Variants in JMJD1C observed in about 807,000 individuals in gnomAD.
The protein encoded by JMJD1C is jumonji domain containing 1C, also known as jumonji domain-containing protein 1C.
Under a neutral mutation model 245.3 loss-of-function variants are expected in JMJD1C, and 31 were observed. The observed-to-expected ratio is 0.13, with a 90% confidence interval of 0.09 to 0.17. The LOEUF (loss-of-function observed/expected upper bound fraction) is 0.17, where lower values mean the gene tolerates loss of function less well. Ranked by LOEUF, JMJD1C falls within the 10% of genes least tolerant of loss-of-function variation. JMJD1C has a pLI of 1.00. For missense variants in JMJD1C, 2,691 were observed against 3,000.2 expected (o/e 0.90, Z 2.41); for synonymous variants, 1,057 against 1,017.4 (o/e 1.04, Z -0.74).
chr10:63,269,025 C>A (rs1855970594), intron 2 of JMJD1C: 1 of 985,292 alleles, frequency 1.0e-6, no homozygotes, highest in Non-Finnish European at 1.2e-6. Flanking sequence ...ACTAAGAAAT[C>A]CTGCAGCTGA....
intron 2 of JMJD1C, among the ~76,000 whole-genome samples, chr10:63,325,634 G>C (rs1941416441): frequency 6.6e-6 from 1 of 151,174 alleles, no homozygotes; most frequent in African/African-American, 2.4e-5. Context: ...AAATACAACT[G>C]ATTAGATATC....
intron 1 of JMJD1C, among the ~76,000 whole-genome samples, chr10:63,464,074 C>T (rs753411077): frequency 3.9e-4 from 60 of 152,038 alleles, no homozygotes; most frequent in Non-Finnish European, 6.5e-4. Context: ...AATCCTCTTA[C>T]CTCAGCCTTT....
chr10:63,329,593 C>T (rs1215344921), intron 2 of JMJD1C, among the ~76,000 whole-genome samples: 3 of 149,052 alleles, frequency 2.0e-5, no homozygotes, highest in Admixed American at 1.3e-4. Context: ...TTGACAAATA[C>T]ATAAAAACAA....
intron 2 of JMJD1C, among the ~76,000 whole-genome samples, chr10:63,371,174 G>T (rs1324622701): frequency 6.6e-6 from 1 of 151,272 alleles, no homozygotes; most frequent in African/African-American, 2.4e-5. Context: ...AGGGATGAGG[G>T]TATAGCTATG....
chr10:63,291,182 C>T (rs1369453002), intron 2 of JMJD1C, among the ~76,000 whole-genome samples: 1 of 151,678 alleles, frequency 6.6e-6, no homozygotes, highest in East Asian at 1.9e-4. Context: ...GTGGCACATG[C>T]CTATAATCCC....
At chr10:63,349,831 T>C (rs1330987376) in intron 2 of JMJD1C, among the ~76,000 whole-genome samples, 2 of 152,208 alleles carry the variant, frequency 1.3e-5, no homozygotes, top group African/African-American at 2.4e-5. Flanking sequence ...GTGATGAATT[T>C]TGTAATACTG....
chr10:63,183,954 A>C (rs2132890155), intron 21 of JMJD1C, among the ~76,000 whole-genome samples: 1 of 152,350 alleles, frequency 6.6e-6, no homozygotes, highest in Admixed American at 6.5e-5. Context: ...TTTGAGAAGG[A>C]GTCTCGCTCT....
At chr10:63,439,106 A>C (rs1951217027) in intron 1 of JMJD1C, among the ~76,000 whole-genome samples, 1 of 152,164 alleles carries the variant, frequency 6.6e-6, no homozygotes, top group Non-Finnish European at 1.5e-5. Flanking sequence ...ACTGCTATCC[A>C]ACACCTGTCA....
intron 1 of JMJD1C, 121 bp downstream of exon 1, chr10:63,465,372 GCA>G: frequency 9.5e-7 from 1 of 1,052,592 alleles, no homozygotes; most frequent in Non-Finnish European, 1.3e-6. Context: ...CAAGGGTTCA[GCA>G]GAGGGGCGTG....
intron 2 of JMJD1C, among the ~76,000 whole-genome samples, chr10:63,377,367 TG>T (rs1304443541): frequency 6.6e-6 from 1 of 152,180 alleles, no homozygotes; most frequent in Admixed American, 6.5e-5. Context: ...CAATGACCCG[TG>T]TACTCAAAAA....
rs578199068 is a variant in JMJD1C at position 63,301,642 on chromosome 10, C to T, written c.334-36878G>A. On this transcript the variant is annotated intron_variant, in intron 2 of 25. Transcript: ENST00000399262. ...CAAGGACACAGGGAAGGAAACATCA[C>T]AGACCAGGGCCTGTCCGGGGCCTGA... 2.8e-3 allele frequency: 938 copies of T among 338,134 alleles called. 4 individuals are homozygous for T. Among genetic ancestry groups the T allele is most frequent in the Non-Finnish European group, 2.9e-3 (493 of 169,468 alleles). The allele number at this position is 338,134 out of a possible 1,614,324, so 20.9% of individuals were successfully genotyped here.
At position 63,213,636 on chromosome 10, in the gene JMJD1C, A is replaced by T. The variant is rs760376249; in HGVS notation, c.2531T>A (p.Leu844His). ...QQLLQHQSPH[L>H]LGQAHPSASY... The stretch of plus-strand genomic sequence containing the variant: ...AGCAGAAGGATGGGCTTGTCCAAGA[A>T]GATGAGGTGACTGGTGCTGTAACAA... Residue 844 changes from leucine to histidine, a missense_variant, in exon 8 of 26, where the codon CTT (leucine) becomes CAT (histidine). Transcript: ENST00000399262. The T allele has an allele frequency of 2.7e-5, 44 of 1,614,118 alleles. No homozygotes were observed. Among genetic ancestry groups the T allele is most frequent in the Admixed American group, 1.3e-4 (8 of 60,010 alleles).
intron 2 of JMJD1C, among the ~76,000 whole-genome samples, chr10:63,286,932 A>G (rs141474225): frequency 1.5e-3 from 226 of 152,300 alleles, no homozygotes; most frequent in African/African-American, 5.3e-3. Context: ...TTCTATGCAT[A>G]CTAAGAGGAA....
At chr10:63,295,262 T>A (rs1365540987) in intron 2 of JMJD1C, among the ~76,000 whole-genome samples, 1 of 4,786 alleles carries the variant, frequency 2.1e-4, no homozygotes, top group East Asian at 1.6e-3. Flanking sequence ...GCCCAACTAA[T>A]TTTTTTTTTT....
At chr10:63,469,215 AAC>A (rs1564955300), upstream of JMJD1C, among the ~76,000 whole-genome samples, 1 of 152,226 alleles carries the variant, frequency 6.6e-6, no homozygotes, top group East Asian at 1.9e-4. Flanking sequence ...GATATTATCT[AAC>A]ACAGACAAAA....
intron 3 of JMJD1C, among the ~76,000 whole-genome samples, chr10:63,259,760 C>G (rs1270594618): frequency 6.6e-6 from 1 of 152,184 alleles, no homozygotes; most frequent in Non-Finnish European, 1.5e-5. Flanking sequence ...TTGTTCTACC[C>G]ATTCCCTTCA....
intron 2 of JMJD1C, among the ~76,000 whole-genome samples, chr10:63,313,519 A>G (rs1002502862): frequency 6.6e-5 from 10 of 152,186 alleles, no homozygotes; most frequent in African/African-American, 2.4e-4. Flanking sequence ...AGGAATCTTC[A>G]CACTGTCCAT....
intron 1 of JMJD1C, among the ~76,000 whole-genome samples, chr10:63,430,132 G>C (rs946659365): frequency 2.6e-5 from 4 of 152,198 alleles, no homozygotes; most frequent in Admixed American, 6.5e-5. Flanking sequence ...TGGGACAACT[G>C]GGTTTCCATA....
intron 3 of JMJD1C, among the ~76,000 whole-genome samples, chr10:63,248,529 G>GATAGATAGATAA (rs566828473): frequency 0.15 from 20,339 of 136,744 alleles, 1,864 homozygotes; most frequent in Non-Finnish European, 0.19. Flanking sequence ...TCAATAGATA[G>GATAGATAGATAA]ATAAATAAAT....
Sources: allele counts gnomAD v4.1 joint callset (sites outside exome capture counted in the v4.1 genomes callset), GRCh38; gene constraint gnomAD v4.1.1; transcripts MANE v1.5; gene names NCBI Gene and HGNC (gene_info 2026-07-23, HGNC 2026-07-21).